CDC14B: variants seen among roughly 807,000 people sequenced by gnomAD.
The protein encoded by CDC14B is cell division cycle 14B, also known as dual specificity protein phosphatase CDC14B.
In CDC14B, 22 loss-of-function variants were observed where a neutral mutation model predicts 64.2. The observed-to-expected ratio is 0.34, with a 90% CI of 0.24 to 0.49. The LOEUF (loss-of-function observed/expected upper bound fraction) is 0.49, where lower values mean the gene tolerates loss of function less well. Among genes scored for constraint, CDC14B ranks in the 20% least tolerant of loss-of-function variants. The pLI, the probability that CDC14B is intolerant of heterozygous loss-of-function variation, is 0.99. For missense variants in CDC14B, 498 were observed against 629.9 expected (o/e 0.79, Z 2.24); for synonymous variants, 191 against 215.8 (o/e 0.89, Z 1.01).
intron 4 of CDC14B, among the ~76,000 whole-genome samples, chr9:96,554,528 A>T (rs1306305525): frequency 6.6e-6 from 1 of 152,228 alleles, no homozygotes; most frequent in Non-Finnish European, 1.5e-5. Flanking sequence ...AAAAACCACA[A>T]GAACAATGTA....
chr9:96,508,826 C>A lies in CDC14B; in HGVS notation c.1460+847G>T, dbSNP rs1834532119. Among the ~76,000 whole-genome samples, 3 of 152,212 alleles carry A rather than the reference C, an allele frequency of 2.0e-5. No homozygotes were observed. The South Asian group carries it at 6.2e-4, about 32-fold the overall frequency. ...ACTGATAAGGCCCCTAGGCCCAAAGCCTCGGATATACATGGCAGGGAAGCT... is the reference window on the plus strand; with the variant it reads ...ACTGATAAGGCCCCTAGGCCCAAAGACTCGGATATACATGGCAGGGAAGCT... On this transcript the variant is annotated intron_variant, in intron 13 of 13. Transcript: ENST00000375241.
chr9:96,586,168 T>A (rs952371494), intron 1 of CDC14B, among the ~76,000 whole-genome samples: 5 of 151,674 alleles, frequency 3.3e-5, no homozygotes, highest in African/African-American at 4.8e-5. Flanking sequence ...TTGATTTTTT[T>A]AAAACCTGGG....
intron 1 of CDC14B, chr9:96,618,497 G>A: frequency 1.9e-6 from 1 of 533,372 alleles, no homozygotes; most frequent in East Asian, 5.5e-5. Flanking sequence ...TTGGCTACCT[G>A]CTCTGGCTGG....
In CDC14B at chr9:96,500,642, C is replaced by T. The variant is rs188072402; in HGVS notation, c.*3111G>A. 1 of 152,748 alleles carries T rather than the reference C, an allele frequency of 6.5e-6. No individual in the cohort carries two copies. The highest frequency in any genetic ancestry group is 2.4e-5 in the African/African-American group (1 of 41,560). 9.5% of individuals were successfully genotyped at this position (152,748 alleles called of 1,614,324 possible). On this transcript the variant is annotated 3_prime_UTR_variant, in exon 14 of 14. Transcript: ENST00000375241. ...TAAATGGAAGAGCAGCAGATAGCCT[C>T]TCCAGGGCAGTTTCAGCGGGAGAGA...
chr9:96,591,180 A>G (rs1321738296), intron 1 of CDC14B, among the ~76,000 whole-genome samples: 1 of 152,136 alleles, frequency 6.6e-6, no homozygotes, highest in East Asian at 1.9e-4. Flanking sequence ...TTATTCCCAA[A>G]TCTAACGTCA....
At chr9:96,557,926 G>A (rs949902276) in intron 4 of CDC14B, among the ~76,000 whole-genome samples, 2 of 152,194 alleles carry the variant, frequency 1.3e-5, no homozygotes, top group Non-Finnish European at 1.5e-5. Context: ...TACACAGAAA[G>A]ATGTTAGAAA....
intron 1 of CDC14B, among the ~76,000 whole-genome samples, chr9:96,596,670 G>A (rs1181014260): frequency 6.6e-6 from 1 of 152,026 alleles, no homozygotes; most frequent in East Asian, 1.9e-4. Flanking sequence ...AGACCAGCCT[G>A]GATAAGATTG....
At chr9:96,534,696 G>A (rs1839023842) in intron 7 of CDC14B, among the ~76,000 whole-genome samples, 154 bp from the exon 8 acceptor site, 1 of 152,164 alleles carries the variant, frequency 6.6e-6, no homozygotes, top group Admixed American at 6.5e-5. Context: ...AATTTGCCCT[G>A]CTATAAGTAT....
chr9:96,507,617 T>C (rs576590770), intron 13 of CDC14B, among the ~76,000 whole-genome samples: 8 of 152,072 alleles, frequency 5.3e-5, no homozygotes, highest in African/African-American at 1.9e-4. Flanking sequence ...AGTTTCACCA[T>C]CTTGGCCAGG....
At position 96,512,944 on chromosome 9, in the gene CDC14B, G is replaced by GA. The variant is rs1482487965; in HGVS notation, c.1344-3156dup. Among the ~76,000 whole-genome samples, 15 of 151,228 alleles carry GA rather than the reference G, an allele frequency of 9.9e-5. No homozygotes were observed. The East Asian group carries it at 2.7e-3, about 27-fold the overall frequency. ...TCACACTGCAAAATAATTAATCTGA[G>GA]AAAAAAACAAGAGCTGATACACTGC... On this transcript the variant is annotated intron_variant, in intron 12 of 13. Coordinates refer to ENST00000375241, the MANE Select transcript of CDC14B (RefSeq NM_033331.4).
chr9:96,523,837 G>T (rs1837155233), intron 9 of CDC14B, 112 bp from the exon 10 acceptor site: 2 of 1,105,338 alleles, frequency 1.8e-6, no homozygotes, highest in Admixed American at 2.4e-5. Flanking sequence ...TCTTTCAATA[G>T]TGGTTCTCAA....
chr9:96,515,857 C>A lies in CDC14B; in HGVS notation c.1344-6068G>T. 2.8e-6 allele frequency: 4 copies of A among 1,447,224 alleles called. No individual in the cohort carries two copies. Among genetic ancestry groups the A allele is most frequent in the Non-Finnish European group, 3.7e-6 (4 of 1,071,706 alleles). The allele number at this position is 1,447,224 out of a possible 1,614,324, so 89.6% of individuals were successfully genotyped here. A position where few individuals can be genotyped will look rare whatever the true frequency, so the allele number is the denominator to read the frequency against. On this transcript the variant is annotated intron_variant, in intron 12 of 13. Transcript: ENST00000375241. The surrounding 1 kb of genome is among the most constrained non-coding windows in gnomAD (Gnocchi z 4.3). ...GGGAAGCCAAAATAAATTACGCAAT[C>A]ATCAATCAATCAAGCCATATGTGAA...
intron 4 of CDC14B, among the ~76,000 whole-genome samples, chr9:96,556,231 A>C (rs1056703366): frequency 2.0e-5 from 3 of 152,222 alleles, no homozygotes; most frequent in African/African-American, 7.2e-5. Flanking sequence ...CTGAGTAACC[A>C]GGAAATCCTG....
chr9:96,618,032 C>CT (rs1232880160), intron 1 of CDC14B, among the ~76,000 whole-genome samples: 1 of 152,212 alleles, frequency 6.6e-6, no homozygotes, highest in Non-Finnish European at 1.5e-5. Context: ...AGGGCAACCC[C>CT]TTCCTATGCC....
chr9:96,556,717 A>G (rs7039991), intron 4 of CDC14B, among the ~76,000 whole-genome samples: 7,913 of 152,200 alleles, frequency 0.052, 696 homozygotes, highest in African/African-American at 0.18. Flanking sequence ...ATTAGTACAC[A>G]TTTGAGTGGT....
chr9:96,575,879 T>C (rs1270604716), intron 1 of CDC14B, among the ~76,000 whole-genome samples: 2 of 151,822 alleles, frequency 1.3e-5, no homozygotes, highest in African/African-American at 4.8e-5. Context: ...ATAAAGACAA[T>C]AAAAACAAAG....
chr9:96,603,948 A>C (rs1414093287), intron 1 of CDC14B, among the ~76,000 whole-genome samples: 1 of 152,224 alleles, frequency 6.6e-6, no homozygotes, highest in Non-Finnish European at 1.5e-5. Flanking sequence ...TCCACCTTGA[A>C]ACATTCCCAA....
chr9:96,575,168 C>T (rs537254690), intron 1 of CDC14B, among the ~76,000 whole-genome samples: 1 of 152,286 alleles, frequency 6.6e-6, no homozygotes, highest in Non-Finnish European at 1.5e-5. Flanking sequence ...CCCATGGATC[C>T]GGGGTGTTGA....
At chr9:96,549,811 G>A (rs527766675) in intron 5 of CDC14B, among the ~76,000 whole-genome samples, 174 of 152,308 alleles carry the variant, frequency 1.1e-3, no homozygotes, top group African/African-American at 3.9e-3. Flanking sequence ...GGACCAAAAG[G>A]AACTAACTTC....
Sources: gnomAD v4.1 joint callset for allele counts (sites outside exome capture counted in the v4.1 genomes callset) on GRCh38, gnomAD v4.1.1 for gene constraint, Gnocchi (gnomAD v3.1) non-coding constraint, MANE v1.5 for transcripts, NCBI Gene and HGNC (gene_info 2026-07-23, HGNC 2026-07-21) for gene names.